CIZ1: variants seen among roughly 807,000 people sequenced by gnomAD.
The protein encoded by CIZ1 is CDKN1A interacting zinc finger protein 1, also known as cip1-interacting zinc finger protein.
CIZ1 carries 58 observed loss-of-function variants against 118.6 expected under a neutral mutation model. The ratio of observed to expected loss-of-function variants is 0.49; its 90% CI spans 0.40 to 0.61. The LOEUF (loss-of-function observed/expected upper bound fraction) is 0.61. CIZ1 is among the 20% of genes least tolerant of loss of function. The pLI is 0.00. For synonymous variants in CIZ1, 448 were observed against 443.4 expected, an observed-to-expected ratio of 1.01 and a Z score of -0.13; for missense variants, 921 against 1,115.9, an observed-to-expected ratio of 0.83 and a Z score of 2.49.
rs764575790 is a variant in CIZ1 at position 128,176,405 on chromosome 9, G to T, written c.1889C>A (p.Ala630Asp). The change falls in exon 11 of 17, where the codon GCC becomes GAC. Residue 630 changes from alanine (A) to aspartate (D), a missense_variant. By Grantham distance (126) the Ala-to-Asp change is moderately radical (BLOSUM62 -2). Transcript: ENST00000372938. ...RLGEIQHMSQ[A>D]CLLSLLPVPR... Reference sequence around the variant, plus strand: ...CACGGGCAGCAGGGACAGGAGGCAGGCTTGGCTCATGTGCTGGATCTCCCC... The same window carrying T: ...CACGGGCAGCAGGGACAGGAGGCAGTCTTGGCTCATGTGCTGGATCTCCCC... The T allele has an allele frequency of 6.2e-7, 1 of 1,613,932 alleles. No individual in the cohort carries two copies. Among genetic ancestry groups the T allele is most frequent in the East Asian group, 2.2e-5 (1 of 44,892 alleles).
Position 128,203,410 on chromosome 9 carries a change from G to T in CIZ1, c.-6+776C>A, listed in dbSNP as rs888680935. ...GGCGCGCGGCTGCAGCGGCGGAGCC[G>T]GAGTCGGAGCCGGGAGCGCTAGCGG... On this transcript the variant is annotated intron_variant, in intron 1 of 17. Transcript: ENST00000372948. This position sits in a 1 kb window ranked among gnomAD's most constrained non-coding sequence, Gnocchi z 5.3. 2.2e-6 allele frequency: 3 copies of T among 1,354,748 alleles called. No homozygotes were observed. The highest frequency in any genetic ancestry group is 3.1e-5 in the African/African-American group (2 of 65,070). 83.9% of individuals were successfully genotyped at this position (1,354,748 alleles called of 1,614,324 possible). A position where few individuals can be genotyped will look rare whatever the true frequency, so the allele number is the denominator to read the frequency against.
At chr9:128,201,310 A>C (rs754812954) in intron 1 of CIZ1, among the ~76,000 whole-genome samples, 12 of 137,978 alleles carry the variant, frequency 8.7e-5, no homozygotes, top group Non-Finnish European at 1.4e-4. Flanking sequence ...ATTAGCTAGG[A>C]GTGGTGGCAC....
rs192766721 is a variant in CIZ1 at position 128,183,825 on chromosome 9, G to A, written c.588+1722C>T. Among the ~76,000 whole-genome samples the A allele has an allele frequency of 4.7e-4, 72 of 152,306 alleles. No individual in the cohort carries two copies. The Middle Eastern group carries it at 0.01, about 22-fold the overall frequency. ...CTGTCGCCCAGGCTGGAGTGCAATG[G>A]CACGATCTTGGCTCACTGCAGCCTC... On this transcript the variant is annotated intron_variant, in intron 5 of 16. Transcript: ENST00000372938.
chr9:128,168,929 T>C (rs1428558158), intron 14 of CIZ1, 123 bp downstream of exon 14: 6 of 1,344,832 alleles, frequency 4.5e-6, no homozygotes, highest in African/African-American at 1.4e-5. Flanking sequence ...CAGTAATCAG[T>C]TGTGGCATGC....
At chr9:128,188,153 AG>A (rs1360169974) in intron 3 of CIZ1, among the ~76,000 whole-genome samples, 1 of 151,402 alleles carries the variant, frequency 6.6e-6, no homozygotes, top group Non-Finnish European at 1.5e-5. Flanking sequence ...ACAGCTAAGA[AG>A]GTTTAGATAA....
chr9:128,190,371 C>G lies in CIZ1; in HGVS notation c.244G>C (p.Gly82Arg). 6.2e-7 allele frequency: 1 copy of G among 1,613,982 alleles called. No homozygotes were observed. The highest frequency in any genetic ancestry group is 8.5e-7 in the Non-Finnish European group (1 of 1,179,912). The change falls in exon 3 of 17, where the codon GGC becomes CGC. Residue 82 changes from glycine to arginine, a missense_variant. By Grantham distance (125) the Gly-to-Arg change is moderately radical (BLOSUM62 -2). Transcript: ENST00000372938. ...AGCAAAGCTCTCTGCAGCATGGAGC[C>G]GTTGAGGAGGGAGGCTGAGTTGGTG... is the stretch of plus-strand genomic sequence containing the variant. Reference protein sequence around the residue: ...QGTNSASLLNGSMLQRALLLQ... With the variant: ...QGTNSASLLNRSMLQRALLLQ...
intron 5 of CIZ1, among the ~76,000 whole-genome samples, chr9:128,182,269 A>T (rs986898847): frequency 6.6e-6 from 1 of 151,810 alleles, no homozygotes; most frequent in Non-Finnish European, 1.5e-5. Context: ...CTTTTCTCTT[A>T]TCTCTGTCTT....
chr9:128,187,404 G>A (rs936650631), intron 4 of CIZ1, among the ~76,000 whole-genome samples: 2 of 152,194 alleles, frequency 1.3e-5, no homozygotes, highest in African/African-American at 2.4e-5. Flanking sequence ...TGCTGTGAGC[G>A]CTGGGTTCAA....
rs1270788191 is a variant in CIZ1 at position 128,178,779 on chromosome 9, T to C, written c.1428A>G (p.Pro476=). The C allele has an allele frequency of 6.2e-7, 1 of 1,614,170 alleles. No homozygotes were observed. The highest frequency in any genetic ancestry group is 2.2e-5 in the East Asian group (1 of 44,904). The change falls in exon 8 of 17, where the codon CCA becomes CCG. Residue 476 remains proline (P), a synonymous_variant. Transcript: ENST00000372938. ...HTQPQVSLLA[P]EQTPVVVHVC... ...CATGAACCACAACTGGTGTTTGCTC[T>C]GGAGCCAGCAACGACACCTGCGGCT...
rs1239936594 is a variant in CIZ1 at position 128,180,461 on chromosome 9, G to A, written c.745C>T (p.Pro249Ser). The A allele has an allele frequency of 1.2e-6, 2 of 1,614,052 alleles. No homozygotes were observed. The highest frequency in any genetic ancestry group is 2.7e-5 in the African/African-American group (2 of 74,918). Reference protein sequence around the residue: ...AKEKRTPAPEPEPCEASELPA... With the variant: ...AKEKRTPAPESEPCEASELPA... ...AGCTCGGACGCCTCACAAGGCTCAG[G>A]CTCAGGTGCTGGAGTGCGTTTTTCC... Residue 249 changes from proline (P) to serine (S), a missense_variant, in exon 7 of 17, where the codon CCT becomes TCT. By Grantham distance (74) the Pro-to-Ser change is moderately conservative. Transcript: ENST00000372938.
rs1588096436 is a variant in CIZ1 at position 128,166,214 on chromosome 9, T to G, written c.2680A>C (p.Thr894Pro). The G allele has an allele frequency of 6.8e-7, 1 of 1,479,688 alleles. No homozygotes were observed. The highest frequency in any genetic ancestry group is 9.0e-7 in the Non-Finnish European group (1 of 1,105,612). The allele number at this position is 1,479,688 out of a possible 1,614,324, so 91.7% of individuals were successfully genotyped here. ...TCCCTCTATCAGGTTTTGAGGCGGGTTGAGCGCCGAGGTAGTGGGGGCTGG... is the reference window on the plus strand; with the variant it reads ...TCCCTCTATCAGGTTTTGAGGCGGGGTGAGCGCCGAGGTAGTGGGGGCTGG... ...PSQPPLPRRS[T>P]RLKT The change falls in exon 17 of 17, where the codon ACC becomes CCC. Residue 894 changes from threonine to proline, a missense_variant. Physicochemically the swap from Thr to Pro is conservative, Grantham distance 38. Coordinates refer to ENST00000372938, the MANE Select transcript of CIZ1 (RefSeq NM_001131016.2). This position sits in a 1 kb window ranked among gnomAD's most constrained non-coding sequence, Gnocchi z 4.4.
At chr9:128,181,231 T>C (rs748068525) in intron 5 of CIZ1, among the ~76,000 whole-genome samples, 64 of 152,066 alleles carry the variant, frequency 4.2e-4, no homozygotes, top group Non-Finnish European at 8.7e-4. Context: ...TTCTCCTGCC[T>C]CAGCCTCCCA....
intron 5 of CIZ1, among the ~76,000 whole-genome samples, chr9:128,183,597 C>G (rs1831973215): frequency 6.6e-6 from 1 of 152,220 alleles, no homozygotes; most frequent in South Asian, 2.1e-4. Context: ...GGGGTGAGCC[C>G]TTTGCAGATC....
At position 128,185,834 on chromosome 9, in the gene CIZ1, G is replaced by C. The variant is rs962133077; in HGVS notation, c.359-58C>G. The C allele has an allele frequency of 7.3e-6, 9 of 1,230,470 alleles. No individual in the cohort carries two copies. In the African/African-American group the frequency reaches 1.3e-4, roughly 18 times the overall value. The allele number at this position is 1,230,470 out of a possible 1,614,324, so 76.2% of individuals were successfully genotyped here. On this transcript the variant is annotated intron_variant, in intron 4 of 16. Coordinates refer to ENST00000372938, the MANE Select transcript of CIZ1 (RefSeq NM_001131016.2). ...CAATGTGGTCGGGTGGCAGAAGGTA[G>C]GGTCAGGCATCAGTGCCCCAGAGCA...
At chr9:128,173,205 C>T (rs1478077992) in intron 11 of CIZ1, among the ~76,000 whole-genome samples, 10 of 139,474 alleles carry the variant, frequency 7.2e-5, no homozygotes, top group African/African-American at 2.7e-4. Flanking sequence ...AGTGCAGTGG[C>T]GCGATCTTGG....
chr9:128,176,997 T>G (rs949429346), intron 10 of CIZ1, among the ~76,000 whole-genome samples: 2 of 152,120 alleles, frequency 1.3e-5, no homozygotes, highest in African/African-American at 4.8e-5. Flanking sequence ...CTCTGCCTCC[T>G]GGGTTCAAGC....
chr9:128,193,699 G>A (rs527592535), upstream of CIZ1, among the ~76,000 whole-genome samples: 8 of 152,036 alleles, frequency 5.3e-5, no homozygotes, highest in African/African-American at 1.9e-4. Context: ...GACAGAGTGA[G>A]ACTCCATTTT....
chr9:128,178,592 G>T, intron 8 of CIZ1, 102 bp from the exon 9 acceptor site: 1 of 1,593,906 alleles, frequency 6.3e-7, no homozygotes, highest in Non-Finnish European at 8.6e-7. Context: ...GGATGGCCCT[G>T]GACCTGGGTT....
chr9:128,173,500 A>G lies in CIZ1; in HGVS notation c.1943+2851T>C, dbSNP rs531390432. ...AGGTCTCATGACGGGCTGGTCTTGA[A>G]CTCCTAAACTCAAGCAATCCCCCCA... On this transcript the variant is annotated intron_variant, in intron 11 of 16. Transcript: ENST00000372938. Among the ~76,000 whole-genome samples the G allele has an allele frequency of 2.1e-5, 3 of 145,314 alleles. No homozygotes were observed. The East Asian group carries it at 6.4e-4, about 31-fold the overall frequency.
Sources: allele counts gnomAD v4.1 joint callset (sites outside exome capture counted in the v4.1 genomes callset), GRCh38; gene constraint gnomAD v4.1.1; non-coding constraint Gnocchi (gnomAD v3.1); transcripts MANE v1.5; gene names NCBI Gene and HGNC (gene_info 2026-07-23, HGNC 2026-07-21).